The following RET variants were observed in gnomAD, a reference collection of about 807,000 sequenced individuals.
RET encodes the protein proto-oncogene tyrosine-protein kinase receptor Ret.
A neutral mutation model predicts 118.3 loss-of-function variants in RET; 19 were observed. The ratio of observed to expected loss-of-function variants is 0.16; its 90% confidence interval spans 0.11 to 0.24. The LOEUF (loss-of-function observed/expected upper bound fraction) is 0.24. Among genes scored for constraint, RET ranks in the 10% least tolerant of loss-of-function variants. The pLI is 1.00. For synonymous variants in RET, 597 were observed against 644.1 expected, an observed-to-expected ratio of 0.93 and a Z score of 1.11; for missense variants, 1,219 against 1,502.1, an observed-to-expected ratio of 0.81 and a Z score of 3.12.
intron 5 of RET, among the ~76,000 whole-genome samples, chr10:43,107,939 A>C (rs1316589920): frequency 3.3e-5 from 5 of 152,204 alleles, no homozygotes; most frequent in African/African-American, 1.2e-4. Context: ...ACTTCAGGTC[A>C]GTACAAAGGA....
intron 19 of RET, 105 bp downstream of exon 19, chr10:43,126,827 C>G (rs1475400639): frequency 5.2e-6 from 8 of 1,528,066 alleles, no homozygotes; most frequent in Non-Finnish European, 7.1e-6. Context: ...TGAACAAAAC[C>G]AAAGTCTGCT....
rs2132497960 is a variant in RET at position 43,077,286 on chromosome 10, G to C, written c.28G>C (p.Gly10Arg). Residue 10 changes from glycine (G) to arginine (R), a missense_variant, in exon 1 of 20, where the codon GGG (glycine) becomes CGG (arginine). Gly to Arg is a moderately radical substitution (Grantham distance 125). Around this residue, in one of 5 missense-constraint regions of RET, gnomAD observed 38 missense variants for 33.1 expected, o/e 1.15. Coordinates refer to ENST00000355710, the MANE Select transcript of RET (RefSeq NM_020975.6). MAKATSGAA[G>R]LRLLLLLLLP... ...GGCGAAGGCGACGTCCGGTGCCGCG[G>C]GGCTGCGTCTGCTGTTGCTGCTGCT... The C allele has an allele frequency of 6.6e-7, 1 of 1,509,018 alleles. No homozygotes were observed. The highest frequency in any genetic ancestry group is 8.8e-7 in the Non-Finnish European group (1 of 1,134,358). 93.5% of individuals were successfully genotyped at this position (1,509,018 alleles called of 1,614,324 possible).
chr10:43,077,195 C>T lies in RET; in HGVS notation c.-64C>T, dbSNP rs959953942. 7.0e-7 allele frequency: 1 copy of T among 1,420,306 alleles called. No homozygotes were observed. Among genetic ancestry groups the T allele is most frequent in the South Asian group, 1.4e-5 (1 of 71,218 alleles). The allele number at this position is 1,420,306 out of a possible 1,614,324, so 88.0% of individuals were successfully genotyped here. A position where few individuals can be genotyped will look rare whatever the true frequency, so the allele number is the denominator to read the frequency against. ...GGGCGGCCAGACTGAGCGCCGCACC[C>T]GCCATCCAGACCCGCCGGCCCTAGC... is the stretch of plus-strand genomic sequence containing the variant. On this transcript the variant is annotated 5_prime_UTR_variant, in exon 1 of 20. Coordinates refer to ENST00000355710, the MANE Select transcript of RET (RefSeq NM_020975.6).
intron 13 of RET, 112 bp from the exon 14 acceptor site, chr10:43,119,419 C>G: frequency 2.5e-6 from 2 of 796,654 alleles, no homozygotes; most frequent in East Asian, 5.3e-5. Flanking sequence ...GTGTCCACCC[C>G]CTTACTCATT....
chr10:43,077,294 T>TCTGCTGTTG lies in RET; in HGVS notation c.43_51dup (p.Leu17_Leu19dup), dbSNP rs1488217326. ...CGACGTCCGGTGCCGCGGGGCTGCG[T>TCTGCTGTTG]CTGCTGTTGCTGCTGCTGCTGCCGC... On this transcript the variant is annotated inframe_insertion, in exon 1 of 20. Coordinates refer to ENST00000355710, the MANE Select transcript of RET (RefSeq NM_020975.6). 8 of 1,511,608 alleles carry TCTGCTGTTG rather than the reference T, an allele frequency of 5.3e-6. No homozygotes were observed. The highest frequency in any genetic ancestry group is 1.4e-5 in the African/African-American group (1 of 70,248). 93.6% of individuals were successfully genotyped at this position (1,511,608 alleles called of 1,614,324 possible). A position where few individuals can be genotyped will look rare whatever the true frequency, so the allele number is the denominator to read the frequency against.
At chr10:43,124,128 G>A (rs1237268991) in intron 17 of RET, among the ~76,000 whole-genome samples, 1 of 152,132 alleles carries the variant, frequency 6.6e-6, no homozygotes, top group East Asian at 1.9e-4. Context: ...GGCCCAGGGG[G>A]CACGTGTTAA....
chr10:43,092,185 A>G (rs929689876), intron 1 of RET, among the ~76,000 whole-genome samples: 3 of 152,264 alleles, frequency 2.0e-5, no homozygotes, highest in Non-Finnish European at 4.4e-5. Flanking sequence ...GCCACATCCT[A>G]TGCCATGGTT....
At position 43,102,276 on chromosome 10, in the gene RET, C is replaced by T. The variant is rs78838549; in HGVS notation, c.338-66C>T. 3.4e-4 allele frequency: 537 copies of T among 1,597,020 alleles called. 7 individuals carry two copies. The East Asian group carries it at 0.011, about 33-fold the overall frequency. On this transcript the variant is annotated intron_variant, in intron 2 of 19. Coordinates refer to ENST00000355710, the MANE Select transcript of RET (RefSeq NM_020975.6). ...TACACCAGCCCTGGAGCTCCTGCCT[C>T]CTCCCCATTCCCGACTGCCTGGCAG...
chr10:43,118,374 G>A lies in RET; in HGVS notation c.2286G>A (p.Glu762=), dbSNP rs1323183090. 1 of 1,613,416 alleles carries A rather than the reference G, an allele frequency of 6.2e-7. No individual in the cohort carries two copies. Among genetic ancestry groups the A allele is most frequent in the East Asian group, 2.2e-5 (1 of 44,890 alleles). ...AACCTGCTCTGTGCTGCATTTCAGA[G>A]AACGCCTCCCCGAGTGAGCTGCGAG... The part of the protein sequence containing the change: ...YTTVAVKMLK[E]NASPSELRDL... Residue 762 remains glutamate, a splice_region_variant and synonymous_variant, in exon 13 of 20, where the codon GAG becomes GAA. Coordinates refer to ENST00000355710, the MANE Select transcript of RET (RefSeq NM_020975.6).
chr10:43,101,946 G>A (rs1837650170), intron 2 of RET, among the ~76,000 whole-genome samples: 1 of 152,204 alleles, frequency 6.6e-6, no homozygotes, highest in Admixed American at 6.5e-5. Context: ...TGCCGGAAAT[G>A]CCCCCTCTAG....
At chr10:43,121,088 G>T (rs544854344) in intron 15 of RET, among the ~76,000 whole-genome samples, 9 of 152,218 alleles carry the variant, frequency 5.9e-5, no homozygotes, top group African/African-American at 1.4e-4. Context: ...GAACTGCTGT[G>T]GGGGGAAGTG....
chr10:43,110,973 G>T (rs1837902443), intron 6 of RET, among the ~76,000 whole-genome samples: 1 of 152,104 alleles, frequency 6.6e-6, no homozygotes, highest in Non-Finnish European at 1.5e-5. Flanking sequence ...CAGCTCCCAG[G>T]AACAGGGGCA....
In RET at chr10:43,109,200, C is replaced by T. The variant is rs779374978; in HGVS notation, c.1233C>T (p.Ser411=). 8.7e-6 allele frequency: 14 copies of T among 1,613,544 alleles called. No individual in the cohort carries two copies. Among genetic ancestry groups the T allele is most frequent in the African/African-American group, 2.7e-5 (2 of 74,934 alleles). Residue 411 remains serine (S), a synonymous_variant, in exon 6 of 20, where the codon TCC becomes TCT. Transcript: ENST00000355710. ...SLHLPSTYSL[S]VSRRARRFAQ... ...ACCTGCCCAGTACCTACTCCCTCTCCGTGAGCAGGAGGGCTCGCCGATTTG... is the reference window on the plus strand; with the variant it reads ...ACCTGCCCAGTACCTACTCCCTCTCTGTGAGCAGGAGGGCTCGCCGATTTG...
chr10:43,112,978 A>G lies in RET; in HGVS notation c.1759+15A>G, dbSNP rs2132818229. On this transcript the variant is annotated intron_variant, in intron 9 of 19. Transcript: ENST00000355710. ...GGACTGCCTCCGTAAGCAGGGTTTA[A>G]TCAGGGCATGGGAACAGGTAGGAGA... 6.2e-7 allele frequency: 1 copy of G among 1,603,604 alleles called. No homozygotes were observed. Among genetic ancestry groups the G allele is most frequent in the South Asian group, 1.1e-5 (1 of 90,904 alleles).
chr10:43,107,957 G>A (rs972980698), intron 5 of RET, among the ~76,000 whole-genome samples: 1 of 152,116 alleles, frequency 6.6e-6, no homozygotes, highest in African/African-American at 2.4e-5. Context: ...GGAATGTTAA[G>A]GAGGCCTGCT....
intron 1 of RET, among the ~76,000 whole-genome samples, chr10:43,089,582 A>G (rs563371367): frequency 1.1e-4 from 17 of 152,314 alleles, no homozygotes; most frequent in Non-Finnish European, 2.1e-4. Context: ...GACACACCTC[A>G]GGACCCCAGG....
At chr10:43,081,907 A>G (rs1264026084) in intron 1 of RET, among the ~76,000 whole-genome samples, 1 of 152,166 alleles carries the variant, frequency 6.6e-6, no homozygotes. Context: ...TCTCCTGACC[A>G]AGGCTCTGGG....
At chr10:43,111,937 C>A (rs1039617104) in intron 7 of RET, among the ~76,000 whole-genome samples, 162 bp from the exon 8 acceptor site, 6 of 152,256 alleles carry the variant, frequency 3.9e-5, no homozygotes, top group African/African-American at 1.4e-4. Context: ...GCCCTGCGCC[C>A]TGTGCTCCTG....
At chr10:43,121,902 A>C (rs1838226039) in intron 15 of RET, 44 bp from the exon 16 acceptor site, 2 of 1,468,198 alleles carry the variant, frequency 1.4e-6, no homozygotes, top group South Asian at 2.3e-5. Context: ...TCCTTCCTAG[A>C]GAGTTAGAGT....
Sources: allele counts gnomAD v4.1 joint callset (sites outside exome capture counted in the v4.1 genomes callset), GRCh38; gene constraint gnomAD v4.1.1; regional missense constraint gnomAD v4.1.1; transcripts MANE v1.5; gene names NCBI Gene and HGNC (gene_info 2026-07-23, HGNC 2026-07-21).